The following DIP2B variants were observed in gnomAD, a reference collection of about 807,000 sequenced individuals.
DIP2B encodes disco-interacting protein 2 homolog B.
Under a neutral mutation model 198.0 loss-of-function variants are expected in DIP2B, and 76 were observed. The observed-to-expected ratio is 0.38, with a 90% CI of 0.32 to 0.46. DIP2B has a LOEUF of 0.46. DIP2B is among the 20% of genes least tolerant of loss of function. DIP2B has a pLI of 0.99. For missense variants in DIP2B, 1,559 were observed against 1,978.4 expected, an observed-to-expected ratio of 0.79 and a Z score of 4.02; for synonymous variants, 701 against 739.1, an observed-to-expected ratio of 0.95 and a Z score of 0.84.
intron 30 of DIP2B, 91 bp from the exon 31 acceptor site, chr12:50,731,278 C>T (rs1940037269): frequency 2.7e-6 from 4 of 1,476,578 alleles, no homozygotes; most frequent in Admixed American, 1.9e-5. Flanking sequence ...GTCCTTTACA[C>T]TCAGTAAATA....
At chr12:50,668,966 G>A (rs1396449808) in intron 4 of DIP2B, among the ~76,000 whole-genome samples, 4 of 150,870 alleles carry the variant, frequency 2.7e-5, no homozygotes, top group African/African-American at 7.4e-5. Flanking sequence ...CCTTTTGCAT[G>A]ATAGATCTCA....
At chr12:50,717,359 C>CTT (rs137945712) in intron 23 of DIP2B, among the ~76,000 whole-genome samples, 40 of 46,864 alleles carry the variant, frequency 8.5e-4, no homozygotes, top group African/African-American at 3.0e-3. Flanking sequence ...CTCACTGCAG[C>CTT]TTTTTTTTTT....
intron 5 of DIP2B, among the ~76,000 whole-genome samples, chr12:50,672,321 G>A (rs1206969923): frequency 6.6e-6 from 1 of 152,146 alleles, no homozygotes; most frequent in Admixed American, 6.5e-5. Flanking sequence ...TGTGCCAACA[G>A]CTGATGACTT....
chr12:50,674,044 C>T lies in DIP2B; in HGVS notation c.641-430C>T, dbSNP rs1291832827. ...GTTTGGTCTTTGGTAGAAGGGGAAACATTCTAGATAAACTATAACAATCAA... is the reference window on the plus strand; with the variant it reads ...GTTTGGTCTTTGGTAGAAGGGGAAATATTCTAGATAAACTATAACAATCAA... On this transcript the variant is annotated intron_variant, in intron 5 of 37. Coordinates refer to ENST00000301180, the MANE Select transcript of DIP2B (RefSeq NM_173602.3). Among the ~76,000 whole-genome samples, 4 of 152,090 alleles carry T rather than the reference C, an allele frequency of 2.6e-5. No homozygotes were observed. The East Asian group carries it at 7.7e-4, about 29-fold the overall frequency.
chr12:50,593,717 T>TCCCCTCTC (rs1593637801), intron 1 of DIP2B, among the ~76,000 whole-genome samples: 1 of 11,272 alleles, frequency 8.9e-5, no homozygotes, highest in Admixed American at 1.1e-3. Context: ...CCTCCTCTCC[T>TCCCCTCTC]CTCCTCTCCT....
At chr12:50,696,781 T>G (rs778778728) in intron 16 of DIP2B, among the ~76,000 whole-genome samples, 5 of 152,348 alleles carry the variant, frequency 3.3e-5, no homozygotes, top group Non-Finnish European at 7.3e-5. Flanking sequence ...CCTGCAGTGT[T>G]ATCTCTGATA....
In DIP2B at chr12:50,733,575, A is replaced by C. The variant is rs190483089; in HGVS notation, c.3982-560A>C. On this transcript the variant is annotated intron_variant, in intron 32 of 37. Coordinates refer to ENST00000301180, the MANE Select transcript of DIP2B (RefSeq NM_173602.3). ...AAAATATAGATGGGCTTAGTGGTAC[A>C]TGCCTCTAGTCCCAGCTACCTGGAA... is the stretch of plus-strand genomic sequence containing the variant. Among the ~76,000 whole-genome samples, 74 of 152,226 alleles carry C rather than the reference A, an allele frequency of 4.9e-4. 2 individuals carry two copies. The highest frequency in any genetic ancestry group is 4.6e-3 in the Admixed American group (71 of 15,288).
intron 1 of DIP2B, among the ~76,000 whole-genome samples, chr12:50,566,165 C>T (rs1263012686): frequency 6.6e-6 from 1 of 152,102 alleles, no homozygotes. Context: ...ACCTCAGCTT[C>T]CTGAGTAGCT....
At chr12:50,656,751 C>A (rs964775336) in intron 3 of DIP2B, among the ~76,000 whole-genome samples, 2 of 151,990 alleles carry the variant, frequency 1.3e-5, no homozygotes, top group African/African-American at 4.8e-5. Context: ...TTTGTATTTT[C>A]AGTGGAGATG....
intron 1 of DIP2B, among the ~76,000 whole-genome samples, chr12:50,596,079 T>C (rs920411997): frequency 1.3e-5 from 2 of 152,194 alleles, no homozygotes; most frequent in African/African-American, 4.8e-5. Flanking sequence ...GTCTGAGAAG[T>C]CCATGGCTGT....
chr12:50,566,415 G>A (rs1014341169), intron 1 of DIP2B, among the ~76,000 whole-genome samples: 1 of 152,164 alleles, frequency 6.6e-6, no homozygotes, highest in South Asian at 2.1e-4. Context: ...TGACAAGAAA[G>A]CCCATTTATT....
rs188418892 is a variant in DIP2B at position 50,509,601 on chromosome 12, C to T, written c.100+4361C>T. Among the ~76,000 whole-genome samples, 311 of 152,178 alleles carry T rather than the reference C, an allele frequency of 2.0e-3. 2 individuals carry two copies. The highest frequency in any genetic ancestry group is 7.3e-3 in the African/African-American group (305 of 41,504). ...TTAAAGCATGGCACAGGGTCTGCCA[C>T]GAAGGCAAAGGGATAAGAGAAGACT... is the stretch of plus-strand genomic sequence containing the variant. On this transcript the variant is annotated intron_variant, in intron 1 of 37. Transcript: ENST00000301180.
chr12:50,721,152 A>C, intron 25 of DIP2B, 121 bp from the exon 26 acceptor site: 1 of 1,405,002 alleles, frequency 7.1e-7, no homozygotes, highest in Non-Finnish European at 9.5e-7. Flanking sequence ...AGAATTGATA[A>C]CTTGCTAAGG....
intron 1 of DIP2B, among the ~76,000 whole-genome samples, chr12:50,597,611 G>A (rs533399885): frequency 6.6e-6 from 1 of 152,306 alleles, no homozygotes; most frequent in Non-Finnish European, 1.5e-5. Flanking sequence ...ATCTGGGGGA[G>A]TTTGAGAGGA....
Position 50,699,095 on chromosome 12 carries a change from C to T in DIP2B, c.2218C>T (p.Pro740Ser). 1 of 1,614,128 alleles carries T rather than the reference C, an allele frequency of 6.2e-7. No individual in the cohort carries two copies. Among genetic ancestry groups the T allele is most frequent in the Non-Finnish European group, 8.5e-7 (1 of 1,180,018 alleles). ...GMMCIVKPDGPPQLCKTDEIG... is the reference protein window; with the variant it reads ...GMMCIVKPDGSPQLCKTDEIG... ...GATGTGCATTGTGAAACCAGATGGA[C>T]CTCCCCAGCTCTGCAAAACAGATGA... The change falls in exon 19 of 38, where the codon CCT becomes TCT. Residue 740 changes from proline (P) to serine (S), a missense_variant. Pro to Ser is a moderately conservative substitution (Grantham distance 74). Transcript: ENST00000301180.
At position 50,506,370 on chromosome 12, in the gene DIP2B, ATTACTTATTGT is replaced by A. The variant is rs547994389; in HGVS notation, c.100+1140_100+1150del. Among the ~76,000 whole-genome samples the A allele has an allele frequency of 7.9e-4, 121 of 152,308 alleles. 1 individual carries two copies. Among genetic ancestry groups the A allele is most frequent in the African/African-American group, 2.7e-3 (113 of 41,570 alleles). ...ACCAACTCCCAGGAGCTTATTAAAC[ATTACTTATTGT>A]TTACTTATTAAGGCATTATGGTTCC... On this transcript the variant is annotated intron_variant, in intron 1 of 37. Coordinates refer to ENST00000301180, the MANE Select transcript of DIP2B (RefSeq NM_173602.3).
chr12:50,670,016 A>G (rs192907588), intron 4 of DIP2B, among the ~76,000 whole-genome samples: 1 of 152,270 alleles, frequency 6.6e-6, no homozygotes, highest in East Asian at 1.9e-4. Flanking sequence ...GGTTTATCTC[A>G]CATTAGACCA....
chr12:50,636,126 G>A (rs904805299), intron 2 of DIP2B, among the ~76,000 whole-genome samples: 15 of 152,140 alleles, frequency 9.9e-5, no homozygotes, highest in Non-Finnish European at 8.8e-5. Flanking sequence ...ACAAAGTAGC[G>A]TGGAAATTCA....
intron 1 of DIP2B, among the ~76,000 whole-genome samples, chr12:50,509,823 T>C (rs1257050243): frequency 6.6e-6 from 1 of 152,226 alleles, no homozygotes; most frequent in Non-Finnish European, 1.5e-5. Context: ...AGCTTAGTCA[T>C]AGATTCGTAG....
Sources: gnomAD v4.1 joint callset for allele counts (sites outside exome capture counted in the v4.1 genomes callset) on GRCh38, gnomAD v4.1.1 for gene constraint, MANE v1.5 for transcripts, NCBI Gene and HGNC (gene_info 2026-07-23, HGNC 2026-07-21) for gene names.